DCAKD: variants seen among roughly 807,000 people sequenced by gnomAD.
DCAKD encodes dephospho-CoA kinase domain containing.
DCAKD carries 15 observed loss-of-function variants against 18.7 expected under a neutral mutation model. The observed-to-expected ratio is 0.80, with a 90% CI of 0.54 to 1.24. DCAKD has a LOEUF of 1.24. Among genes scored for constraint, DCAKD ranks in the 50% most tolerant of loss-of-function variants. The pLI is 0.00. For missense variants in DCAKD, 301 were observed against 322.0 expected (o/e 0.93, Z 0.50); for synonymous variants, 130 against 133.0 (o/e 0.98, Z 0.16).
chr17:45,042,113 T>C (rs982080774), intron 1 of DCAKD, among the ~76,000 whole-genome samples: 2 of 147,728 alleles, frequency 1.4e-5, no homozygotes, highest in Admixed American at 6.8e-5. Context: ...AGACCTGACT[T>C]AAAAAAAAAA....
chr17:45,041,099 G>A (rs574470919), intron 1 of DCAKD, among the ~76,000 whole-genome samples: 4 of 152,078 alleles, frequency 2.6e-5, no homozygotes, highest in Middle Eastern at 3.4e-3. Context: ...TGACCCCCTC[G>A]TCCCGGCCTG....
intron 3 of DCAKD, chr17:45,031,872 T>G: frequency 1.0e-6 from 1 of 985,420 alleles, no homozygotes; most frequent in Non-Finnish European, 1.2e-6. Flanking sequence ...ATACCAACTT[T>G]GACAGTTGTA....
At chr17:45,053,241 GT>G (rs761773614), upstream of DCAKD, among the ~76,000 whole-genome samples, 68 of 103,536 alleles carry the variant, frequency 6.6e-4, no homozygotes, top group African/African-American at 2.1e-3. Flanking sequence ...AGTTGTTTTT[GT>G]TTTTTTTTTG....
intron 2 of DCAKD, 95 bp from the exon 3 acceptor site, chr17:45,034,485 G>T: frequency 7.0e-7 from 1 of 1,433,750 alleles, no homozygotes; most frequent in Non-Finnish European, 9.6e-7. Flanking sequence ...GGGAACTCGG[G>T]TGCTTCTTTC....
intron 1 of DCAKD, among the ~76,000 whole-genome samples, chr17:45,046,731 C>T (rs1342864155): frequency 6.6e-6 from 1 of 151,478 alleles, no homozygotes; most frequent in Admixed American, 6.6e-5. Context: ...CTGAGAGGCA[C>T]AAAGGTAGAG....
chr17:45,029,725 C>T (rs1251433308), intron 4 of DCAKD, among the ~76,000 whole-genome samples: 1 of 152,162 alleles, frequency 6.6e-6, no homozygotes, highest in Non-Finnish European at 1.5e-5. Flanking sequence ...AACACCTGTC[C>T]TGACCACCTC....
intron 4 of DCAKD, among the ~76,000 whole-genome samples, chr17:45,025,009 CTT>C (rs747194341): frequency 7.1e-4 from 80 of 113,288 alleles, no homozygotes; most frequent in Admixed American, 1.5e-3. Flanking sequence ...GGCCACAGCT[CTT>C]TTTTTTTTTT....
chr17:45,057,932 AC>A (rs2053802747), intron 1 of DCAKD, among the ~76,000 whole-genome samples: 1 of 145,426 alleles, frequency 6.9e-6, no homozygotes, highest in African/African-American at 2.6e-5. Flanking sequence ...AATCGCTTAA[AC>A]CTGGAAGGCA....
chr17:45,053,250 T>C (rs1179847299), upstream of DCAKD, among the ~76,000 whole-genome samples: 2 of 94,700 alleles, frequency 2.1e-5, no homozygotes, highest in East Asian at 4.4e-4. Context: ...TGTTTTTTTT[T>C]TGTTTGGTTT....
At chr17:45,030,860 G>T in intron 3 of DCAKD, 1 of 533,988 alleles carries the variant, frequency 1.9e-6, no homozygotes, top group Non-Finnish European at 2.4e-6. Flanking sequence ...GCCTAAAACT[G>T]TATTACACTC....
intron 4 of DCAKD, among the ~76,000 whole-genome samples, 183 bp downstream of exon 4, chr17:45,029,909 C>T (rs1399178548): frequency 1.3e-5 from 2 of 152,140 alleles, no homozygotes; most frequent in African/African-American, 4.8e-5. Context: ...CTTCCCACAC[C>T]TGCCCCCAGG....
chr17:45,031,173 C>T, intron 3 of DCAKD: 1 of 985,418 alleles, frequency 1.0e-6, no homozygotes, highest in African/African-American at 1.7e-5. Flanking sequence ...AGACACACAT[C>T]ACACCAATTC....
At chr17:45,050,308 C>G (rs568546683) in intron 1 of DCAKD, among the ~76,000 whole-genome samples, 1 of 151,208 alleles carries the variant, frequency 6.6e-6, no homozygotes, top group Non-Finnish European at 1.5e-5. Context: ...CCTACCAAAG[C>G]GCTGGGATTA....
chr17:45,047,420 C>T (rs766213183), intron 1 of DCAKD, among the ~76,000 whole-genome samples: 1 of 151,214 alleles, frequency 6.6e-6, no homozygotes, highest in Non-Finnish European at 1.5e-5. Flanking sequence ...GTAGCTGGGA[C>T]TACAGGCATG....
intron 1 of DCAKD, among the ~76,000 whole-genome samples, chr17:45,046,319 TA>T (rs1467159913): frequency 1.3e-5 from 2 of 151,876 alleles, no homozygotes; most frequent in Non-Finnish European, 2.9e-5. Flanking sequence ...AAATGGAAGT[TA>T]AAAGAAGTTC....
rs1331793250 is a variant in DCAKD at position 45,031,875 on chromosome 17, C to T, written c.317-1696G>A. 7.1e-6 allele frequency: 7 copies of T among 985,294 alleles called. No individual in the cohort carries two copies. The African/African-American group carries it at 1.2e-4, about 17-fold the overall frequency. The allele number at this position is 985,294 out of a possible 1,614,324, so 61.0% of individuals were successfully genotyped here. The stretch of plus-strand genomic sequence containing the variant: ...TGACGTTTGATTATACCAACTTTGA[C>T]AGTTGTATTTGTTATACTCATCAGG... On this transcript the variant is annotated intron_variant, in intron 3 of 4. Coordinates refer to ENST00000651974, the MANE Select transcript of DCAKD (RefSeq NM_001288655.2).
At position 45,024,388 on chromosome 17, in the gene DCAKD, A is replaced by G. The variant is rs2053009187; in HGVS notation, c.*45T>C. ...GATGTGTTACCTGGCTTCAGCCTCCAAGGAGATAGATGGAGGCCTGGGGCT... is the reference window on the plus strand; with the variant it reads ...GATGTGTTACCTGGCTTCAGCCTCCGAGGAGATAGATGGAGGCCTGGGGCT... On this transcript the variant is annotated 3_prime_UTR_variant, in exon 5 of 5. Transcript: ENST00000651974. 3.8e-6 allele frequency: 6 copies of G among 1,560,664 alleles called. 1 individual carries two copies.
In DCAKD at chr17:45,024,607, A is replaced by G. The variant is rs200775097; in HGVS notation, c.522T>C (p.His174=). 14 of 1,614,032 alleles carry G rather than the reference A, an allele frequency of 8.7e-6. No individual in the cohort carries two copies. The highest frequency in any genetic ancestry group is 5.3e-5 in the African/African-American group (4 of 75,060). Residue 174 remains histidine, a synonymous_variant, in exon 5 of 5, where the codon CAT becomes CAC. Transcript: ENST00000651974. Reference sequence around the variant, plus strand: ...TCCACTCGCCCGAGTTGTCTAGGACATGGCGGGCCATGCGGGCCTTGTCTG... The same window carrying G: ...TCCACTCGCCCGAGTTGTCTAGGACGTGGCGGGCCATGCGGGCCTTGTCTG... ...PLTDKARMAR[H]VLDNSGEWSV...
chr17:45,034,681 CCT>C, intron 2 of DCAKD, 91 bp downstream of exon 2: 1 of 1,358,648 alleles, frequency 7.4e-7, no homozygotes, highest in Non-Finnish European at 1.0e-6. Flanking sequence ...GCCTTCCCCT[CCT>C]CTGAGACTTA....
Sources: allele counts gnomAD v4.1 joint callset (sites outside exome capture counted in the v4.1 genomes callset), GRCh38; gene constraint gnomAD v4.1.1; transcripts MANE v1.5; gene names NCBI Gene and HGNC (gene_info 2026-07-23, HGNC 2026-07-21).